Variants in STK36 observed in about 807,000 individuals in gnomAD.
The protein encoded by STK36 is serine/threonine-protein kinase 36.
STK36 carries 116 observed loss-of-function variants against 142.2 expected under a neutral mutation model. The ratio of observed to expected loss-of-function variants is 0.82; its 90% confidence interval spans 0.70 to 0.95. The LOEUF is 0.95. Ranked by LOEUF, STK36 falls within the 40% of genes least tolerant of loss-of-function variation. The probability of loss-of-function intolerance (pLI) is 0.00; values close to 1 mark genes in which losing one functional copy is unlikely to be tolerated. For missense variants in STK36, 1,422 were observed against 1,617.2 expected, an observed-to-expected ratio of 0.88 and a Z score of 2.07; for synonymous variants, 619 against 641.7, an observed-to-expected ratio of 0.96 and a Z score of 0.53.
At chr2:218,692,559 G>A (rs752441725) in intron 15 of STK36, 24 bp from the exon 16 acceptor site, 3 of 1,601,812 alleles carry the variant, frequency 1.9e-6, no homozygotes. Context: ...GGCCTTTGGA[G>A]TTACTCTTTG....
At position 218,702,175 on chromosome 2, in the gene STK36, C is replaced by A. The variant is rs1941466875; in HGVS notation, c.*166C>A. The A allele has an allele frequency of 1.2e-6, 1 of 822,130 alleles. No individual in the cohort carries two copies. Among genetic ancestry groups the A allele is most frequent in the Non-Finnish European group, 1.8e-6 (1 of 568,062 alleles). The allele number at this position is 822,130 out of a possible 1,614,324, so 50.9% of individuals were successfully genotyped here. A position where few individuals can be genotyped will look rare whatever the true frequency, so the allele number is the denominator to read the frequency against. ...AGAGATTTATATATAAAGCTTCTTC[C>A]TTCTCCCAGATGCAGGATGTTTTCA... On this transcript the variant is annotated 3_prime_UTR_variant, in exon 27 of 27. Coordinates refer to ENST00000295709, the MANE Select transcript of STK36 (RefSeq NM_015690.5).
intron 17 of STK36, 53 bp downstream of exon 17, chr2:218,693,397 A>G (rs1941090372): frequency 1.3e-6 from 2 of 1,530,132 alleles, no homozygotes; most frequent in South Asian, 1.1e-5. Flanking sequence ...CCCAGTGCAG[A>G]CAGAGAAGCA....
intron 4 of STK36, among the ~76,000 whole-genome samples, chr2:218,675,048 AG>A: frequency 6.6e-6 from 1 of 152,316 alleles, no homozygotes; most frequent in African/African-American, 2.4e-5. Context: ...GCTTTAACTC[AG>A]TCCTCACAAT....
At chr2:218,684,979 G>C in intron 10 of STK36, 106 bp from the exon 11 acceptor site, 1 of 1,439,464 alleles carries the variant, frequency 6.9e-7, no homozygotes. Flanking sequence ...AGGGGTCACT[G>C]GCTCCTTGCA....
intron 10 of STK36, among the ~76,000 whole-genome samples, chr2:218,681,762 C>T (rs1359265253): frequency 6.6e-6 from 1 of 152,194 alleles, no homozygotes; most frequent in African/African-American, 2.4e-5. Context: ...CTCACTCCTG[C>T]AAGGCCTTCT....
At position 218,697,904 on chromosome 2, in the gene STK36, T is replaced by G; in HGVS notation, c.2960T>G (p.Leu987Arg). The G allele has an allele frequency of 6.2e-7, 1 of 1,614,162 alleles. No individual in the cohort carries two copies. The change falls in exon 25 of 27, where the codon CTC becomes CGC. Residue 987 changes from leucine to arginine, a missense_variant. By Grantham distance (102) the Leu-to-Arg change is moderately radical. Transcript: ENST00000295709. ...GTCGTGGTGCTCTCTGTCTGCCAGC[T>G]CCTTTGCTTCCCCTTTGCGCTGGAC... ...LPVVVLSVCQ[L>R]LCFPFALDMD...
Position 218,694,051 on chromosome 2 carries a change from T to C in STK36, c.2336+68T>C, listed in dbSNP as rs1019144915. 33 of 1,467,950 alleles carry C rather than the reference T, an allele frequency of 2.2e-5. No individual in the cohort carries two copies. Among genetic ancestry groups the C allele is most frequent in the Non-Finnish European group, 2.3e-5 (24 of 1,047,536 alleles). The allele number at this position is 1,467,950 out of a possible 1,614,324, so 90.9% of individuals were successfully genotyped here. The stretch of plus-strand genomic sequence containing the variant: ...ACATAGCTAACCCTCACAAAGAGTA[T>C]GGGGAATGGTACCCTACAGCATATC... On this transcript the variant is annotated intron_variant, in intron 19 of 26. Coordinates refer to ENST00000295709, the MANE Select transcript of STK36 (RefSeq NM_015690.5). The surrounding 1 kb of genome is among the most constrained non-coding windows in gnomAD (Gnocchi z 4.4).
chr2:218,690,420 A>G, intron 13 of STK36, 30 bp from the exon 14 acceptor site: 1 of 1,588,052 alleles, frequency 6.3e-7, no homozygotes, highest in East Asian at 2.2e-5. Context: ...TAGAGAGATA[A>G]GAAATCATGG....
rs1432424109 is a variant in STK36 at position 218,688,853 on chromosome 2, C to T, written c.1537C>T (p.Gln513Ter). The T allele has an allele frequency of 1.2e-6, 2 of 1,611,530 alleles. No individual in the cohort carries two copies. Among genetic ancestry groups the T allele is most frequent in the East Asian group, 4.5e-5 (2 of 44,800 alleles). Residue 513 changes from glutamine (Q) to a stop codon, truncating the protein, a stop_gained, in exon 12 of 27, where the codon CAG (glutamine) becomes TAG (stop). Transcript: ENST00000295709. LOFTEE classifies it high-confidence loss of function. ...GLLLSLLRHS[Q>*]ESNSLQQQSW... ...GCTGCTGAGTCTACTCAGGCACAGT[C>T]AGGAGAGCAACAGCCTCCAGCAGGT...
Position 218,679,260 on chromosome 2 carries a change from C to T in STK36, c.777C>T (p.Thr259=), listed in dbSNP as rs1162438792. 6 of 1,614,004 alleles carry T rather than the reference C, an allele frequency of 3.7e-6. No individual in the cohort carries two copies. In the African/African-American group the frequency reaches 8.0e-5, roughly 22 times the overall value. The change falls in exon 7 of 27, where the codon ACC becomes ACT. Residue 259 remains threonine (T), a splice_region_variant and synonymous_variant. Transcript: ENST00000295709. ...ACCCCTTTATTGCTGGTCATGTCAC[C>T]AGTGAGTCATCAGGGTTCCCAGGGC... is the stretch of plus-strand genomic sequence containing the variant. ...LYHPFIAGHV[T]IITEPAGPDL...
At chr2:218,674,666 A>G (rs995604540) in intron 4 of STK36, among the ~76,000 whole-genome samples, 3 of 152,202 alleles carry the variant, frequency 2.0e-5, no homozygotes, top group Non-Finnish European at 4.4e-5. Context: ...CAGTGGCACA[A>G]TCTTGGCTCA....
Position 218,679,585 on chromosome 2 carries a change from T to C in STK36, c.804T>C (p.Asp268=). Residue 268 remains aspartate (D), a synonymous_variant, in exon 8 of 27, where the codon GAT becomes GAC. Transcript: ENST00000295709. ...VTIITEPAGP[D]LGTPFTSRLP... ...TAATAACTGAGCCAGCAGGCCCAGA[T>C]TTGGGGACCCCATTCACCAGCCGCC... 2 of 1,613,914 alleles carry C rather than the reference T, an allele frequency of 1.2e-6. No individual in the cohort carries two copies. Among genetic ancestry groups the C allele is most frequent in the Non-Finnish European group, 1.7e-6 (2 of 1,179,942 alleles).
chr2:218,698,272 A>G (rs962704674), intron 25 of STK36, among the ~76,000 whole-genome samples: 3 of 152,140 alleles, frequency 2.0e-5, no homozygotes, highest in Admixed American at 2.0e-4. Context: ...TAGGCACTGA[A>G]GACTCACCTC....
At chr2:218,699,765 T>C (rs570871295) in intron 26 of STK36, among the ~76,000 whole-genome samples, 1 of 152,332 alleles carries the variant, frequency 6.6e-6, no homozygotes, top group Non-Finnish European at 1.5e-5. Flanking sequence ...ATTATTATCC[T>C]AATTTTGCAG....
Position 218,701,996 on chromosome 2 carries a change from C to A in STK36, c.3935C>A (p.Ala1312Asp). ...AAACTCATTCACCTCCTGAGGCCAG[C>A]CCATAGCATGTGATTCCAGATTCCT... ...CRKLIHLLRP[A>D]HSM The change falls in exon 27 of 27, where the codon GCC (alanine) becomes GAC (aspartate). Residue 1312 changes from alanine (A) to aspartate (D), a missense_variant. By Grantham distance (126) the Ala-to-Asp change is moderately radical. Transcript: ENST00000295709. The A allele has an allele frequency of 6.2e-7, 1 of 1,614,000 alleles. No homozygotes were observed. Among genetic ancestry groups the A allele is most frequent in the Admixed American group, 1.7e-5 (1 of 60,008 alleles).
At chr2:218,675,558 CTT>C in intron 5 of STK36, 85 bp downstream of exon 5, 2 of 1,458,092 alleles carry the variant, frequency 1.4e-6, no homozygotes, top group Non-Finnish European at 1.8e-6. Context: ...GAGTTTCACT[CTT>C]GTTACCCAGG....
At chr2:218,678,322 A>C (rs1159270198) in intron 6 of STK36, among the ~76,000 whole-genome samples, 3 of 152,200 alleles carry the variant, frequency 2.0e-5, no homozygotes, top group Non-Finnish European at 4.4e-5. Flanking sequence ...TCCCAGAGTG[A>C]AACCTTATTG....
chr2:218,672,841 C>G lies in STK36; in HGVS notation c.12C>G (p.Tyr4Ter). ...CTGAAACCTCTGTCATGGAAAAGTA[C>G]CACGTGTTGGAGATGATTGGAGAAG... MEK[Y>*]HVLEMIGEGS... is the part of the protein sequence containing the mutation. The change falls in exon 2 of 27, where the codon TAC (tyrosine) becomes TAG (stop). Residue 4 changes from tyrosine (Y) to a stop codon, truncating the protein, a stop_gained. Coordinates refer to ENST00000295709, the MANE Select transcript of STK36 (RefSeq NM_015690.5). LOFTEE classifies it high-confidence loss of function. 1 of 1,614,048 alleles carries G rather than the reference C, an allele frequency of 6.2e-7. No individual in the cohort carries two copies. Among genetic ancestry groups the G allele is most frequent in the African/African-American group, 1.3e-5 (1 of 75,006 alleles).
chr2:218,683,367 C>T (rs543444809), intron 10 of STK36, among the ~76,000 whole-genome samples: 1 of 151,808 alleles, frequency 6.6e-6, no homozygotes, highest in South Asian at 2.1e-4. Flanking sequence ...CGCCGCCTCC[C>T]AGGTTCAAGC....
Sources: allele counts gnomAD v4.1 joint callset (sites outside exome capture counted in the v4.1 genomes callset), GRCh38; gene constraint gnomAD v4.1.1; non-coding constraint Gnocchi (gnomAD v3.1); transcripts MANE v1.5; gene names NCBI Gene and HGNC (gene_info 2026-07-23, HGNC 2026-07-21).